Variants in GET1 observed in about 807,000 individuals in gnomAD.
GET1 encodes guided entry of tail-anchored proteins factor 1.
GET1 carries 20 observed loss-of-function variants against 22.6 expected under a neutral mutation model. The ratio of observed to expected loss-of-function variants is 0.89; its 90% CI spans 0.62 to 1.29. The LOEUF is 1.29. Ranked by LOEUF, GET1 falls within the 50% of genes most tolerant of loss-of-function variation. GET1 has a pLI of 0.00. For synonymous variants in GET1, 92 were observed against 83.8 expected (o/e 1.10, Z -0.53); for missense variants, 209 against 219.9 (o/e 0.95, Z 0.31).
downstream of GET1, among the ~76,000 whole-genome samples, chr21:39,400,527 C>T (rs138834237): frequency 2.9e-3 from 436 of 152,282 alleles, 3 homozygotes; most frequent in African/African-American, 0.01. Context: ...AGTCTGTTTT[C>T]TTTGCAGTTG....
downstream of GET1, among the ~76,000 whole-genome samples, chr21:39,400,814 A>G (rs148016074): frequency 1.1e-3 from 161 of 152,302 alleles, 1 homozygote; most frequent in African/African-American, 3.6e-3. Flanking sequence ...CATAAATAGC[A>G]TGAATATTGT....
Position 39,418,877 on chromosome 21 carries a change from T to G in GET1, c.*23+7940T>G, listed in dbSNP as rs76682807. 9.6e-3 allele frequency among the ~76,000 whole-genome samples: 1,469 copies of G among 152,266 alleles called. 12 individuals carry two copies. The highest frequency in any genetic ancestry group is 0.016 in the Non-Finnish European group (1,070 of 68,014). Reference sequence around the variant, plus strand: ...GGAAGCATAAAATTTATTTTAAAATTCCCCAATTGTGTCTCCATATGTGTG... The same window carrying G: ...GGAAGCATAAAATTTATTTTAAAATGCCCCAATTGTGTCTCCATATGTGTG... On this transcript the variant is annotated intron_variant, in intron 1 of 1. Transcript: ENST00000478273.
In GET1 at chr21:39,414,736, C is replaced by CTGTGTG. The variant is rs1445537335; in HGVS notation, c.*23+3800_*23+3801insGTGTGT. 2.4e-3 allele frequency among the ~76,000 whole-genome samples: 225 copies of CTGTGTG among 92,232 alleles called. 1 individual carries two copies. Among genetic ancestry groups the CTGTGTG allele is most frequent in the Middle Eastern group, 5.4e-3 (1 of 184 alleles). The allele number at this position is 92,232 out of a possible 152,430, so 60.5% of individuals were successfully genotyped here. On this transcript the variant is annotated intron_variant, in intron 1 of 1. Transcript: ENST00000478273. ...TCCCTCTCTCTCTCTCTCTCTCTCTCTCTCTCTGTGTGTGTGTGTGTGTGT... is the reference window on the plus strand; with the variant it reads ...TCCCTCTCTCTCTCTCTCTCTCTCTCTGTGTGTCTCTCTGTGTGTGTGTGTGTGTGT...
chr21:39,392,871 T>G, intron 3 of GET1: 22 of 302,926 alleles, frequency 7.3e-5, no homozygotes, highest in South Asian at 4.6e-4. Flanking sequence ...GTAGATTGTG[T>G]TCATCCTAAA....
chr21:39,382,083 C>G (rs1296394799), intron 1 of GET1, among the ~76,000 whole-genome samples: 15 of 148,856 alleles, frequency 1.0e-4, no homozygotes, highest in Non-Finnish European at 4.4e-5. Flanking sequence ...GAGACAGAGT[C>G]TCACTCTGTT....
intron 4 of GET1, among the ~76,000 whole-genome samples, chr21:39,404,750 C>CAA (rs748914343): frequency 0.018 from 1,610 of 87,582 alleles, 74 homozygotes; most frequent in African/African-American, 0.047. Context: ...GAGACACTGT[C>CAA]AAAAAAAAAA....
chr21:39,391,849 G>C lies in GET1; in HGVS notation c.336+13G>C, dbSNP rs1225121125. 1.2e-6 allele frequency: 2 copies of C among 1,613,938 alleles called. No individual in the cohort carries two copies. The highest frequency in any genetic ancestry group is 4.5e-5 in the East Asian group (2 of 44,892). ...CTACGTATTGCAGGTAAGTGTGCTA[G>C]AGCGTCAGCCGGGTCATTGGAGTTG... On this transcript the variant is annotated intron_variant, in intron 3 of 4. Transcript: ENST00000649170.
At position 39,412,077 on chromosome 21, in the gene GET1, G is replaced by T. The variant is rs77995104; in HGVS notation, c.*23+1140G>T. On this transcript the variant is annotated intron_variant, in intron 1 of 1. Coordinates refer to the GET1 transcript ENST00000478273. ...GTTTTCCTTCTGTCCTGTGGGCCTT[G>T]AAGTTTATGAAATATTCTTCTGTAC... Among the ~76,000 whole-genome samples the T allele has an allele frequency of 2.1e-3, 320 of 152,302 alleles. 1 individual carries two copies. Among genetic ancestry groups the T allele is most frequent in the Middle Eastern group, 3.4e-3 (1 of 294 alleles).
In GET1 at chr21:39,420,765, C is replaced by T. The variant is rs201082349; in HGVS notation, c.*24-7467C>T. 5.0e-5 allele frequency: 81 copies of T among 1,613,618 alleles called. No individual in the cohort carries two copies. The Middle Eastern group carries it at 6.6e-4, about 13-fold the overall frequency. On this transcript the variant is annotated intron_variant, in intron 1 of 1. Transcript: ENST00000478273. Reference sequence around the variant, plus strand: ...TGCAGAGTCTTGGTAGCTGTCTGAGCTGCTAAAGTCTTCCGAGTCTCAATA... The same window carrying T: ...TGCAGAGTCTTGGTAGCTGTCTGAGTTGCTAAAGTCTTCCGAGTCTCAATA...
At chr21:39,422,863 A>C (rs2074002083) in intron 1 of GET1, 1 of 974,696 alleles carries the variant, frequency 1.0e-6, no homozygotes, top group South Asian at 1.6e-5. Flanking sequence ...GCAGCACGCC[A>C]AGTGAAGCAG....
At chr21:39,384,642 T>G (rs2146920427) in intron 1 of GET1, among the ~76,000 whole-genome samples, 1 of 151,520 alleles carries the variant, frequency 6.6e-6, no homozygotes, top group East Asian at 1.9e-4. Context: ...GTGTCATGGG[T>G]GTTTGTTGTA....
chr21:39,394,670 G>A (rs1165587298), intron 4 of GET1, among the ~76,000 whole-genome samples: 1 of 152,110 alleles, frequency 6.6e-6, no homozygotes, highest in Non-Finnish European at 1.5e-5. Context: ...TCCTTGCATG[G>A]TGGAAGGACA....
chr21:39,405,726 G>T, intron 4 of GET1: 3 of 494,506 alleles, frequency 6.1e-6, no homozygotes, highest in Non-Finnish European at 1.0e-5. Context: ...TTTTTTACTA[G>T]ATTAGCAATC....
At chr21:39,423,514 T>C in intron 1 of GET1, 1 of 1,519,654 alleles carries the variant, frequency 6.6e-7, no homozygotes, top group Non-Finnish European at 8.7e-7. Flanking sequence ...AAATCCAGTT[T>C]ATTACTAGTA....
chr21:39,405,085 G>A (rs2038973688), intron 4 of GET1, among the ~76,000 whole-genome samples: 2 of 151,528 alleles, frequency 1.3e-5, no homozygotes, highest in South Asian at 2.1e-4. Flanking sequence ...CACCTACCTC[G>A]GTCTCCCAAA....
intron 3 of GET1, among the ~76,000 whole-genome samples, chr21:39,392,743 G>T (rs527792123): frequency 6.6e-6 from 1 of 152,180 alleles, no homozygotes; most frequent in Non-Finnish European, 1.5e-5. Context: ...GATGGCTTTC[G>T]TCACTAATAA....
intron 1 of GET1, 122 bp downstream of exon 1, chr21:39,380,608 T>G (rs960973919): frequency 1.4e-6 from 2 of 1,477,508 alleles, no homozygotes; most frequent in Non-Finnish European, 1.8e-6. Context: ...TCTTGGTTGG[T>G]CCGTAAGCTT....
chr21:39,397,048 ATT>A lies in GET1; in HGVS notation c.*118_*119del. 4.7e-6 allele frequency: 5 copies of A among 1,067,292 alleles called. No individual in the cohort carries two copies. Among genetic ancestry groups the A allele is most frequent in the Non-Finnish European group, 6.6e-6 (5 of 757,520 alleles). 66.1% of individuals were successfully genotyped at this position (1,067,292 alleles called of 1,614,324 possible). The stretch of plus-strand genomic sequence containing the variant: ...TAAGAAACAAAAGTGCATAGTTTAG[ATT>A]TTTTTTTTGTTGAATATGTTTGTTC... On this transcript the variant is annotated 3_prime_UTR_variant, in exon 5 of 5. Transcript: ENST00000649170.
At chr21:39,398,896 C>T (rs561098280), downstream of GET1, among the ~76,000 whole-genome samples, 593 of 152,158 alleles carry the variant, frequency 3.9e-3, 7 homozygotes, top group African/African-American at 0.014. Context: ...CCCGCCATGA[C>T]GCCCAGCTAA....
Sources: allele counts gnomAD v4.1 joint callset (sites outside exome capture counted in the v4.1 genomes callset), GRCh38; gene constraint gnomAD v4.1.1; transcripts MANE v1.5; gene names NCBI Gene and HGNC (gene_info 2026-07-23, HGNC 2026-07-21).